Variants in PEAK1 observed in about 807,000 individuals in gnomAD.
PEAK1 encodes the protein pseudopodium enriched atypical kinase 1.
PEAK1 carries 54 observed loss-of-function variants against 124.7 expected under a neutral mutation model. That is an observed-to-expected ratio of 0.43 (90% confidence interval 0.35 to 0.54). PEAK1 has a LOEUF of 0.54. Ranked by LOEUF, PEAK1 falls within the 20% of genes least tolerant of loss-of-function variation. PEAK1 has a pLI of 0.01. For missense variants in PEAK1, 2,046 were observed against 2,134.5 expected (o/e 0.96, Z 0.82); for synonymous variants, 719 against 760.0 (o/e 0.95, Z 0.89).
intron 1 of PEAK1, among the ~76,000 whole-genome samples, chr15:77,388,720 T>A: frequency 6.6e-6 from 1 of 152,022 alleles, no homozygotes; most frequent in East Asian, 1.9e-4. Context: ...TTCTACATTT[T>A]CCTTTCAACT....
At chr15:77,356,731 G>A (rs1028670852) in intron 2 of PEAK1, among the ~76,000 whole-genome samples, 2 of 152,192 alleles carry the variant, frequency 1.3e-5, no homozygotes, top group African/African-American at 4.8e-5. Context: ...TGCTCAAGGT[G>A]TGCATATATA....
chr15:77,347,492 A>G (rs929226242), intron 2 of PEAK1: 4 of 985,268 alleles, frequency 4.1e-6, no homozygotes, highest in Non-Finnish European at 4.8e-6. Flanking sequence ...GGACAAGGTG[A>G]TATCTGAGGC....
intron 9 of PEAK1, among the ~76,000 whole-genome samples, chr15:77,126,276 T>C (rs111230733): frequency 4.6e-5 from 7 of 152,254 alleles, no homozygotes; most frequent in African/African-American, 7.2e-5. Flanking sequence ...TCATAATTAC[T>C]GCTTTTAGCA....
In PEAK1 at chr15:77,252,390, T is replaced by A. The variant is rs2152926426; in HGVS notation, c.-138A>T. 3.0e-6 allele frequency: 3 copies of A among 985,408 alleles called. No individual in the cohort carries two copies. In the South Asian group the frequency reaches 1.4e-4, roughly 46 times the overall value. 61.0% of individuals were successfully genotyped at this position (985,408 alleles called of 1,614,324 possible). A position where few individuals can be genotyped will look rare whatever the true frequency, so the allele number is the denominator to read the frequency against. On this transcript the variant is annotated 5_prime_UTR_variant, in exon 6 of 10. Transcript: ENST00000682557. ...ACTATTTAAATCTGAAGCACTTCAT[T>A]CATTCTGGTGACAAAGGTGGTTTTA... is the stretch of plus-strand genomic sequence containing the variant.
At chr15:77,260,005 T>A (rs919172567) in intron 5 of PEAK1, among the ~76,000 whole-genome samples, 3 of 152,018 alleles carry the variant, frequency 2.0e-5, no homozygotes, top group Non-Finnish European at 2.9e-5. Context: ...AAGGGTAAAA[T>A]TTTTTTTGAG....
intron 8 of PEAK1, among the ~76,000 whole-genome samples, chr15:77,149,545 A>G (rs1334371906): frequency 6.6e-6 from 1 of 152,226 alleles, no homozygotes; most frequent in Non-Finnish European, 1.5e-5. Flanking sequence ...TGAACGTATT[A>G]AAAAAGGAAA....
intron 5 of PEAK1, among the ~76,000 whole-genome samples, chr15:77,260,539 T>C (rs1474161429): frequency 6.6e-6 from 1 of 151,912 alleles, no homozygotes; most frequent in Non-Finnish European, 1.5e-5. Flanking sequence ...AAAAGCAATA[T>C]AATGGTGACA....
At chr15:77,334,696 G>T (rs2066088304) in intron 2 of PEAK1, 1 of 985,086 alleles carries the variant, frequency 1.0e-6, no homozygotes, top group Admixed American at 6.2e-5. Flanking sequence ...TTTTAACAAT[G>T]TGTGTGCTAC....
At chr15:77,249,977 A>T (rs1255906677) in intron 6 of PEAK1, among the ~76,000 whole-genome samples, 1 of 151,660 alleles carries the variant, frequency 6.6e-6, no homozygotes. Context: ...CAACAAAAAA[A>T]ATTTTTTTTA....
intron 5 of PEAK1, among the ~76,000 whole-genome samples, chr15:77,262,719 G>T (rs537438490): frequency 6.6e-6 from 1 of 151,084 alleles, no homozygotes; most frequent in Non-Finnish European, 1.5e-5. Context: ...ACAAGGATAC[G>T]CAGGAATTGA....
At chr15:77,383,571 G>A (rs1006649633) in intron 1 of PEAK1, among the ~76,000 whole-genome samples, 3 of 152,068 alleles carry the variant, frequency 2.0e-5, no homozygotes, top group Non-Finnish European at 4.4e-5. Flanking sequence ...CTATCGGTGT[G>A]AAAAACAAAA....
At chr15:77,390,006 T>G (rs755697310) in intron 1 of PEAK1, among the ~76,000 whole-genome samples, 3 of 152,266 alleles carry the variant, frequency 2.0e-5, no homozygotes, top group Admixed American at 1.3e-4. Flanking sequence ...CTATGTTAAG[T>G]GTTTTGTATT....
chr15:77,263,660 G>A (rs542442437), intron 5 of PEAK1, among the ~76,000 whole-genome samples: 99 of 152,186 alleles, frequency 6.5e-4, no homozygotes, highest in African/African-American at 2.0e-3. Context: ...ATTCACAGCC[G>A]AATTCTACTA....
intron 1 of PEAK1, among the ~76,000 whole-genome samples, chr15:77,374,598 T>C (rs949920208): frequency 2.0e-5 from 3 of 152,144 alleles, no homozygotes; most frequent in African/African-American, 7.2e-5. Context: ...TTATAAATGG[T>C]GATATAACAA....
At chr15:77,189,271 C>T (rs1222210136) in intron 6 of PEAK1, among the ~76,000 whole-genome samples, 2 of 152,268 alleles carry the variant, frequency 1.3e-5, no homozygotes, top group East Asian at 3.9e-4. Flanking sequence ...ATTATTTGCC[C>T]TACTTTACTG....
chr15:77,277,167 C>T (rs2062374465), intron 5 of PEAK1, among the ~76,000 whole-genome samples: 1 of 152,176 alleles, frequency 6.6e-6, no homozygotes, highest in South Asian at 2.1e-4. Flanking sequence ...TGATTCTTGA[C>T]ATCTCAACTT....
rs373103772 is a variant in PEAK1, at chr15:77,181,149, A to G, written c.778T>C (p.Leu260=). The G allele has an allele frequency of 1.5e-5, 25 of 1,614,044 alleles. 1 individual carries two copies. The highest frequency in any genetic ancestry group is 1.9e-5 in the Non-Finnish European group (23 of 1,180,018). The change falls in exon 7 of 10, where the codon TTG becomes CTG. Residue 260 remains leucine, a synonymous_variant. Transcript: ENST00000682557. ...CCTCTCATGCGAATCTCCATGGCCA[A>G]CAGCTCTTCATCACTCTCATCCCAA... The part of the protein sequence containing the change: ...ESWDESDEEL[L]AMEIRMRGQP...
At chr15:77,253,248 G>C (rs930875891) in intron 5 of PEAK1, among the ~76,000 whole-genome samples, 15 of 150,416 alleles carry the variant, frequency 1.0e-4, no homozygotes, top group Admixed American at 2.7e-4. Context: ...TATGCGTTGG[G>C]GGGGGGGTGG....
intron 8 of PEAK1, among the ~76,000 whole-genome samples, chr15:77,141,888 T>G (rs1339687493): frequency 6.6e-6 from 1 of 151,698 alleles, no homozygotes; most frequent in East Asian, 1.9e-4. Context: ...CTAAAAACTC[T>G]TAGAAAAAAC....
Sources: allele counts gnomAD v4.1 joint callset (sites outside exome capture counted in the v4.1 genomes callset), GRCh38; gene constraint gnomAD v4.1.1; transcripts MANE v1.5; gene names NCBI Gene and HGNC (gene_info 2026-07-23, HGNC 2026-07-21).